The following GRIA1 variants were observed in gnomAD, a reference collection of about 807,000 sequenced individuals.
The protein encoded by GRIA1 is glutamate ionotropic receptor AMPA type subunit 1, also known as glutamate receptor 1.
Under a neutral mutation model 99.2 loss-of-function variants are expected in GRIA1, and 31 were observed. The observed-to-expected ratio is 0.31, with a 90% confidence interval of 0.23 to 0.42. The LOEUF (loss-of-function observed/expected upper bound fraction) is 0.42, where lower values mean the gene tolerates loss of function less well. Among genes scored for constraint, GRIA1 ranks in the 10% least tolerant of loss-of-function variants. GRIA1 has a pLI of 1.00. For missense variants in GRIA1, 782 were observed against 1,157.5 expected (o/e 0.68, Z 4.71); for synonymous variants, 438 against 432.4 (o/e 1.01, Z -0.16).
chr5:153,787,448 T>A (rs1428710029), intron 13 of GRIA1, among the ~76,000 whole-genome samples: 1 of 152,118 alleles, frequency 6.6e-6, no homozygotes, highest in Non-Finnish European at 1.5e-5. Context: ...ACAACCATCA[T>A]CTCCCTTATG....
At chr5:153,640,773 C>T (rs1182280077) in intron 2 of GRIA1, among the ~76,000 whole-genome samples, 1 of 152,086 alleles carries the variant, frequency 6.6e-6, no homozygotes, top group African/African-American at 2.4e-5. Flanking sequence ...AATTGTGGTA[C>T]CCCAATTTTC....
chr5:153,706,031 G>T lies in GRIA1; in HGVS notation c.1787G>T (p.Gly596Val). The change falls in exon 11 of 16, where the codon GGA becomes GTA. Residue 596 changes from glycine (G) to valine (V), a missense_variant. Physicochemically the swap from Gly to Val is moderately radical, Grantham distance 109 (BLOSUM62 -3). Around this residue, in one of 5 missense-constraint regions of GRIA1, gnomAD observed 119 missense variants for 326.6 expected, o/e 0.36. Transcript: ENST00000285900. ...GIFNSLWFSL[G>V]AFMQQGCDIS... ...TTCAACAGTTTGTGGTTCTCCCTGG[G>T]AGCCTTCATGCAGCAAGGATGTGAC... is the stretch of plus-strand genomic sequence containing the variant. 1 of 1,613,876 alleles carries T rather than the reference G, an allele frequency of 6.2e-7. No homozygotes were observed. Among genetic ancestry groups the T allele is most frequent in the Non-Finnish European group, 8.5e-7 (1 of 1,179,818 alleles).
chr5:153,724,060 C>G (rs796518077), intron 11 of GRIA1, among the ~76,000 whole-genome samples: 1 of 152,180 alleles, frequency 6.6e-6, no homozygotes, highest in African/African-American at 2.4e-5. Flanking sequence ...TCCAGAGGAA[C>G]GATCAGACAG....
At chr5:153,752,939 A>G (rs1314759376) in intron 11 of GRIA1, among the ~76,000 whole-genome samples, 3 of 152,194 alleles carry the variant, frequency 2.0e-5, no homozygotes, top group Non-Finnish European at 4.4e-5. Context: ...AAAAAATGAG[A>G]AGGATTTGAC....
At chr5:153,665,657 T>C (rs993204552) in intron 5 of GRIA1, among the ~76,000 whole-genome samples, 6 of 152,196 alleles carry the variant, frequency 3.9e-5, no homozygotes, top group African/African-American at 1.4e-4. Context: ...TGTGTGATCA[T>C]AGAATTGTAG....
At chr5:153,635,701 G>A (rs1753298328) in intron 2 of GRIA1, among the ~76,000 whole-genome samples, 2 of 152,154 alleles carry the variant, frequency 1.3e-5, no homozygotes, top group Non-Finnish European at 2.9e-5. Flanking sequence ...TGAGCCCCTG[G>A]CCCAGCATTC....
intron 13 of GRIA1, among the ~76,000 whole-genome samples, chr5:153,782,479 A>G (rs1206842093): frequency 6.6e-6 from 1 of 152,200 alleles, no homozygotes; most frequent in Admixed American, 6.5e-5. Context: ...CTCATTTTTC[A>G]AAAGAAACTA....
At chr5:153,578,280 G>C (rs1477447050) in intron 2 of GRIA1, among the ~76,000 whole-genome samples, 1 of 151,766 alleles carries the variant, frequency 6.6e-6, no homozygotes, top group East Asian at 1.9e-4. Context: ...CGTTTAAATA[G>C]TGGGTCAGTG....
chr5:153,568,947 C>T (rs1331097964), intron 2 of GRIA1, among the ~76,000 whole-genome samples: 1 of 152,152 alleles, frequency 6.6e-6, no homozygotes, highest in Non-Finnish European at 1.5e-5. Context: ...TGCCCTTTCC[C>T]ATCCTTTCTA....
intron 11 of GRIA1, among the ~76,000 whole-genome samples, chr5:153,742,760 T>C (rs1450023691): frequency 4.6e-5 from 7 of 152,226 alleles, no homozygotes; most frequent in Non-Finnish European, 8.8e-5. Context: ...ATCTTTCCTA[T>C]GTCTTCTTCT....
intron 6 of GRIA1, among the ~76,000 whole-genome samples, chr5:153,676,560 G>C (rs912208781): frequency 2.0e-5 from 3 of 152,098 alleles, no homozygotes; most frequent in Non-Finnish European, 2.9e-5. Context: ...CGTTCCTCTT[G>C]GTTTCCAGCT....
intron 2 of GRIA1, among the ~76,000 whole-genome samples, chr5:153,572,459 T>C (rs555413960): frequency 4.9e-4 from 75 of 152,268 alleles, no homozygotes; most frequent in African/African-American, 1.8e-3. Context: ...TTTAGATAAG[T>C]TTTTCTCTTC....
chr5:153,536,775 T>G (rs1295502346), intron 2 of GRIA1, among the ~76,000 whole-genome samples: 1 of 152,192 alleles, frequency 6.6e-6, no homozygotes, highest in Non-Finnish European at 1.5e-5. Flanking sequence ...TAACTTGAGG[T>G]TATGGAGAAA....
At chr5:153,783,706 T>C (rs1048578764) in intron 13 of GRIA1, among the ~76,000 whole-genome samples, 16 of 152,260 alleles carry the variant, frequency 1.1e-4, no homozygotes, top group Non-Finnish European at 2.2e-4. Context: ...AATTAAAAAG[T>C]ACTCCTTCAT....
At position 153,681,745 on chromosome 5, in the gene GRIA1, G is replaced by A. The variant is rs571051686; in HGVS notation, c.1030-4480G>A. On this transcript the variant is annotated intron_variant, in intron 7 of 15. Coordinates refer to ENST00000285900, the MANE Select transcript of GRIA1 (RefSeq NM_000827.4). ...GGGCTCAGAATTTTAAGAAAGCATC[G>A]TGCTTGTGGGCCAAGCATCGTGGTT... Among the ~76,000 whole-genome samples, 15 of 152,206 alleles carry A rather than the reference G, an allele frequency of 9.9e-5. No homozygotes were observed. The South Asian group carries it at 2.1e-3, about 21-fold the overall frequency.
intron 11 of GRIA1, among the ~76,000 whole-genome samples, chr5:153,732,158 G>T (rs1761081579): frequency 6.6e-6 from 1 of 151,952 alleles, no homozygotes; most frequent in East Asian, 1.9e-4. Flanking sequence ...CTATATCTTG[G>T]CTATTGTGAA....
intron 2 of GRIA1, among the ~76,000 whole-genome samples, chr5:153,518,864 A>G (rs938355924): frequency 6.6e-6 from 1 of 152,202 alleles, no homozygotes; most frequent in Non-Finnish European, 1.5e-5. Flanking sequence ...TCAGCCTGGC[A>G]TCGTGCTCCA....
At chr5:153,633,943 C>G (rs543902908) in intron 2 of GRIA1, among the ~76,000 whole-genome samples, 1 of 152,044 alleles carries the variant, frequency 6.6e-6, no homozygotes, top group East Asian at 1.9e-4. Context: ...TGAAATTAAA[C>G]AAATAAACCA....
intron 2 of GRIA1, among the ~76,000 whole-genome samples, chr5:153,616,491 A>C (rs374590556): frequency 2.6e-5 from 4 of 152,198 alleles, no homozygotes; most frequent in Admixed American, 1.3e-4. Flanking sequence ...TCGCAAAAAA[A>C]AAATCTCATA....
Sources: allele counts gnomAD v4.1 joint callset (sites outside exome capture counted in the v4.1 genomes callset), GRCh38; gene constraint gnomAD v4.1.1; regional missense constraint gnomAD v4.1.1; transcripts MANE v1.5; gene names NCBI Gene and HGNC (gene_info 2026-07-23, HGNC 2026-07-21).